APOL2: variants seen among roughly 807,000 people sequenced by gnomAD.
The protein encoded by APOL2 is apolipoprotein L2.
APOL2 carries 8 observed loss-of-function variants against 7.1 expected under a neutral mutation model. The observed-to-expected ratio is 1.12, with a 90% CI of 0.66 to 2.03. The LOEUF (loss-of-function observed/expected upper bound fraction) is 2.03. Ranked by LOEUF, APOL2 falls within the 30% of genes most tolerant of loss-of-function variation. The pLI is 0.00. For synonymous variants in APOL2, 177 were observed against 159.9 expected, an observed-to-expected ratio of 1.11 and a Z score of -0.81; for missense variants, 471 against 415.1, an observed-to-expected ratio of 1.13 and a Z score of -1.17.
chr22:36,236,483 G>T, intron 1 of APOL2: 1 of 870,372 alleles, frequency 1.1e-6, no homozygotes, highest in South Asian at 5.2e-5. Flanking sequence ...TAGAGGGAGT[G>T]TACAAACAAG....
chr22:36,228,560 G>A (rs2015106091), intron 4 of APOL2, among the ~76,000 whole-genome samples: 1 of 152,208 alleles, frequency 6.6e-6, no homozygotes, highest in Non-Finnish European at 1.5e-5. Flanking sequence ...CTCAAGGGCA[G>A]GTCAACACCG....
chr22:36,226,331 T>C lies in APOL2; in HGVS notation c.*1073A>G, dbSNP rs951320684. 6.6e-6 allele frequency: 1 copy of C among 152,376 alleles called. No homozygotes were observed. The highest frequency in any genetic ancestry group is 2.1e-4 in the South Asian group (1 of 4,824). The allele number at this position is 152,376 out of a possible 1,614,324, so 9.4% of individuals were successfully genotyped here. On this transcript the variant is annotated 3_prime_UTR_variant, in exon 5 of 5. Coordinates refer to ENST00000358502, the MANE Select transcript of APOL2 (RefSeq NM_030882.4). ...TGCTTTCATGCTAATCTTCTGACTGTTTACTTACCGGCTAAGAGCGATGGG... is the reference window on the plus strand; with the variant it reads ...TGCTTTCATGCTAATCTTCTGACTGCTTACTTACCGGCTAAGAGCGATGGG...
intron 4 of APOL2, among the ~76,000 whole-genome samples, chr22:36,228,819 A>G (rs373066390): frequency 1.1e-4 from 17 of 152,228 alleles, no homozygotes; most frequent in Middle Eastern, 3.4e-3. Context: ...GATGGATGAT[A>G]GGGTTTGGGG....
At chr22:36,239,220 T>TA in intron 1 of APOL2, 1 of 1,332,724 alleles carries the variant, frequency 7.5e-7, no homozygotes, top group South Asian at 2.1e-5. Context: ...ATCTAAGCTG[T>TA]TTTCCCCACC....
At chr22:36,231,225 A>C in intron 4 of APOL2, 115 bp downstream of exon 4, 1 of 1,392,728 alleles carries the variant, frequency 7.2e-7, no homozygotes. Context: ...GGTCATCCTC[A>C]AGCCCAGCAG....
At position 36,227,902 on chromosome 22, in the gene APOL2, T is replaced by C. The variant is rs201450078; in HGVS notation, c.516A>G (p.Val172=). The C allele has an allele frequency of 9.8e-5, 158 of 1,614,154 alleles. No individual in the cohort carries two copies. Among genetic ancestry groups the C allele is most frequent in the Middle Eastern group, 1.6e-4 (1 of 6,084 alleles). ...AGITCSVVEL[V]NKLRARAQAR... Reference sequence around the variant, plus strand: ...CTTGGGCTCGTGCCCGCAATTTGTTTACTAGTTCTACCACACTGCAGGTAA... The same window carrying C: ...CTTGGGCTCGTGCCCGCAATTTGTTCACTAGTTCTACCACACTGCAGGTAA... Residue 172 remains valine, a synonymous_variant, in exon 5 of 5, where the codon GTA becomes GTG. Coordinates refer to ENST00000358502, the MANE Select transcript of APOL2 (RefSeq NM_030882.4).
At chr22:36,235,756 G>GGTGTGT (rs869225053) in intron 1 of APOL2, among the ~76,000 whole-genome samples, 10 of 113,114 alleles carry the variant, frequency 8.8e-5, no homozygotes, top group Admixed American at 5.5e-4. Flanking sequence ...TGGGTGGGTG[G>GGTGTGT]GTGTGTGTGT....
intron 1 of APOL2, chr22:36,236,704 C>A: frequency 1.0e-6 from 1 of 985,328 alleles, no homozygotes; most frequent in African/African-American, 1.7e-5. Context: ...AGCTCTTATA[C>A]AAAAGCCCCC....
chr22:36,239,530 C>G, upstream of APOL2: 1 of 1,581,656 alleles, frequency 6.3e-7, no homozygotes, highest in Non-Finnish European at 8.5e-7. Context: ...TGTGTAATAA[C>G]CAGACACGTC....
chr22:36,239,841 G>A (rs1457501030), upstream of APOL2: 2 of 319,840 alleles, frequency 6.3e-6, no homozygotes, highest in Non-Finnish European at 1.2e-5. Flanking sequence ...TGAGCCGCTT[G>A]CCCCCCAACC....
intron 1 of APOL2, chr22:36,236,769 G>A (rs968133230): frequency 1.9e-6 from 2 of 1,062,348 alleles, no homozygotes; most frequent in Non-Finnish European, 2.3e-6. Flanking sequence ...TTTCAGGGTC[G>A]AGGCATCCAG....
At position 36,226,214 on chromosome 22, in the gene APOL2, G is replaced by C. The variant is rs1222225768; in HGVS notation, c.*1190C>G. The C allele has an allele frequency of 6.6e-6, 1 of 152,268 alleles. No homozygotes were observed. The highest frequency in any genetic ancestry group is 2.4e-5 in the African/African-American group (1 of 41,446). 9.4% of individuals were successfully genotyped at this position (152,268 alleles called of 1,614,324 possible). On this transcript the variant is annotated 3_prime_UTR_variant, in exon 5 of 5. Coordinates refer to ENST00000358502, the MANE Select transcript of APOL2 (RefSeq NM_030882.4). Reference sequence around the variant, plus strand: ...ATGACTCGAACAAGTCCAGCTTGGTGAGTAGGTGAGTTTATTGGGACTTAC... The same window carrying C: ...ATGACTCGAACAAGTCCAGCTTGGTCAGTAGGTGAGTTTATTGGGACTTAC...
At chr22:36,231,525 T>C (rs1569532641) in intron 3 of APOL2, 59 bp from the exon 4 acceptor site, 1 of 1,579,928 alleles carries the variant, frequency 6.3e-7, no homozygotes, top group Non-Finnish European at 8.7e-7. Flanking sequence ...ATAACAGCCA[T>C]TGCACATTAG....
intron 1 of APOL2, among the ~76,000 whole-genome samples, chr22:36,238,132 A>G: frequency 6.6e-6 from 1 of 151,930 alleles, no homozygotes; most frequent in Non-Finnish European, 1.5e-5. Flanking sequence ...TTCAATGGGG[A>G]CACTGTTGTG....
intron 1 of APOL2, chr22:36,236,875 A>T (rs113945431): frequency 7.9e-7 from 1 of 1,265,620 alleles, no homozygotes; most frequent in Non-Finnish European, 9.9e-7. Context: ...GGGCATCTGG[A>T]CACTTCTTGC....
intron 1 of APOL2, chr22:36,237,150 TG>T: frequency 1.3e-6 from 2 of 1,524,060 alleles, no homozygotes; most frequent in Non-Finnish European, 1.8e-6. Flanking sequence ...GAGCCTCTGC[TG>T]GGGGTTGAGG....
Position 36,227,934 on chromosome 22 carries a change from C to T in APOL2, c.484G>A (p.Ala162Thr), listed in dbSNP as rs151258173. 416 of 1,614,238 alleles carry T rather than the reference C, an allele frequency of 2.6e-4. 1 individual carries two copies. Among genetic ancestry groups the T allele is most frequent in the African/African-American group, 1.9e-3 (143 of 75,054 alleles). Residue 162 changes from alanine to threonine, a missense_variant, in exon 5 of 5, where the codon GCT becomes ACT. By Grantham distance (58) the Ala-to-Thr change is moderately conservative (BLOSUM62 0). Transcript: ENST00000358502. ...GMGLGAAAAV[A>T]GITCSVVELV... ...TCTACCACACTGCAGGTAATCCCAG[C>T]CACAGCAGCTGCTGCTCCCAGACCC...
chr22:36,234,515 T>G (rs2015336695), intron 1 of APOL2, among the ~76,000 whole-genome samples: 1 of 152,222 alleles, frequency 6.6e-6, no homozygotes, highest in African/African-American at 2.4e-5. Context: ...GATCTTTATA[T>G]AGAGGAAAGT....
intron 4 of APOL2, among the ~76,000 whole-genome samples, chr22:36,230,968 C>T (rs140173425): frequency 2.0e-5 from 3 of 152,326 alleles, no homozygotes; most frequent in East Asian, 1.9e-4. Context: ...AAGATGTTAA[C>T]GTTAACTGTG....
Sources: allele counts gnomAD v4.1 joint callset (sites outside exome capture counted in the v4.1 genomes callset), GRCh38; gene constraint gnomAD v4.1.1; transcripts MANE v1.5; gene names NCBI Gene and HGNC (gene_info 2026-07-23, HGNC 2026-07-21).